NPHP4: variants seen among roughly 807,000 people sequenced by gnomAD.
NPHP4 encodes the protein nephrocystin 4, also known as nephrocystin-4.
Under a neutral mutation model 155.8 loss-of-function variants are expected in NPHP4, and 151 were observed. That is an observed-to-expected ratio of 0.97 (90% CI 0.85 to 1.11). The LOEUF is 1.11. NPHP4 is among the 50% of genes least tolerant of loss of function. NPHP4 has a pLI of 0.00. For missense variants in NPHP4, 1,956 were observed against 1,925.7 expected (o/e 1.02, Z -0.29); for synonymous variants, 845 against 816.8 (o/e 1.03, Z -0.59).
intron 5 of NPHP4, 124 bp from the exon 6 acceptor site, chr1:5,962,073 G>T: frequency 3.1e-6 from 2 of 636,250 alleles, no homozygotes; most frequent in Non-Finnish European, 2.7e-6. Context: ...TCTAGGGAGA[G>T]TGAAGTGGTG....
At chr1:5,969,026 C>CAAAA (rs34702999) in intron 4 of NPHP4, 61 bp downstream of exon 4, 6 of 942,742 alleles carry the variant, frequency 6.4e-6, no homozygotes, top group Non-Finnish European at 9.2e-6. Flanking sequence ...GAATCTGTCT[C>CAAAA]AAAAAAAAAA....
In NPHP4 at chr1:5,867,768, G is replaced by C; in HGVS notation, c.3444C>G (p.Ile1148Met). Residue 1148 changes from isoleucine (I) to methionine (M), a missense_variant, in exon 24 of 30, where the codon ATC (isoleucine) becomes ATG (methionine). By Grantham distance (10) the Ile-to-Met change is conservative. Transcript: ENST00000378156. The surrounding 1 kb of genome is among the most constrained non-coding windows in gnomAD (Gnocchi z 4.1). ...GAAATGTGTGCCAGGGCGGCAGGCGGATGGCCTTCTTCAGGAAGGAGAGCT... is the reference window on the plus strand; with the variant it reads ...GAAATGTGTGCCAGGGCGGCAGGCGCATGGCCTTCTTCAGGAAGGAGAGCT... ...HPELSFLKKA[I>M]RLPPWHTFPG... is the part of the protein sequence containing the mutation. 6.2e-7 allele frequency: 1 copy of C among 1,611,686 alleles called. No individual in the cohort carries two copies. Among genetic ancestry groups the C allele is most frequent in the Non-Finnish European group, 8.5e-7 (1 of 1,179,878 alleles).
Position 5,864,512 on chromosome 1 carries a change from G to T in NPHP4, c.3822C>A (p.Asp1274Glu). ...GCGGCAGCACGAAGACACCTTTGGG[G>T]TCTGTCTTCAAGAGCGAGAGAGGCG... is the stretch of plus-strand genomic sequence containing the variant. The part of the protein sequence containing the change: ...FTSHPQELKT[D>E]PKGVFVLPPR... The change falls in exon 28 of 30, where the codon GAC becomes GAA. Residue 1274 changes from aspartate to glutamate, a missense_variant. Coordinates refer to ENST00000378156, the MANE Select transcript of NPHP4 (RefSeq NM_015102.5). 6.4e-7 allele frequency: 1 copy of T among 1,571,060 alleles called. No individual in the cohort carries two copies. Among genetic ancestry groups the T allele is most frequent in the Non-Finnish European group, 8.7e-7 (1 of 1,155,416 alleles).
Position 5,978,372 on chromosome 1 carries a change from T to C in NPHP4, c.177A>G (p.Arg59=). Residue 59 remains arginine (R), a synonymous_variant, in exon 3 of 30, where the codon CGA becomes CGG. Transcript: ENST00000378156. ...EVLSEVECHL[R]VSFFDVTYRH... is the part of the protein sequence containing the mutation. ...GGTAGGTGACATCAAAGAAAGACAC[T>C]CGCAGATGGCATTCAACCTCTGACA... is the stretch of plus-strand genomic sequence containing the variant. The C allele has an allele frequency of 6.2e-7, 1 of 1,608,056 alleles. No homozygotes were observed. Among genetic ancestry groups the C allele is most frequent in the Non-Finnish European group, 8.5e-7 (1 of 1,177,400 alleles).
At chr1:5,888,551 T>A (rs766811354) in intron 17 of NPHP4, 45 of 1,350,534 alleles carry the variant, frequency 3.3e-5, no homozygotes, top group Non-Finnish European at 4.4e-5. Flanking sequence ...GATCACTGCA[T>A]AGACATCGAT....
intron 3 of NPHP4, among the ~76,000 whole-genome samples, chr1:5,971,312 T>C (rs754086625): frequency 3.3e-5 from 5 of 152,206 alleles, no homozygotes; most frequent in Admixed American, 3.3e-4. Flanking sequence ...GATCCAACCT[T>C]AGAATCTAAA....
intron 22 of NPHP4, 87 bp from the exon 23 acceptor site, chr1:5,873,422 G>T: frequency 1.9e-6 from 2 of 1,047,580 alleles, no homozygotes; most frequent in Non-Finnish European, 3.0e-6. Flanking sequence ...CTGCCACCCA[G>T]CTGGGAGCCA....
At position 5,905,811 on chromosome 1, in the gene NPHP4, G is replaced by A. The variant is rs1197908679; in HGVS notation, c.1612-28C>T. ...GAACAAAACGAGGGCTTCCAAGTGA[G>A]GCCACCAAGGACCCCAACCCGTAAC... On this transcript the variant is annotated intron_variant, in intron 13 of 29. Transcript: ENST00000378156. The surrounding 1 kb of genome is among the most constrained non-coding windows in gnomAD (Gnocchi z 4.0). The A allele has an allele frequency of 1.0e-5, 16 of 1,580,564 alleles. No homozygotes were observed. Among genetic ancestry groups the A allele is most frequent in the Middle Eastern group, 3.3e-4 (2 of 6,044 alleles).
At chr1:5,985,772 A>G (rs980299877) in intron 2 of NPHP4, among the ~76,000 whole-genome samples, 2 of 152,228 alleles carry the variant, frequency 1.3e-5, no homozygotes, top group Admixed American at 1.3e-4. Context: ...AAATCAATAC[A>G]GATGCTCTTT....
In NPHP4 at chr1:5,976,844, C is replaced by T. The variant is rs552196901; in HGVS notation, c.279+1426G>A. Among the ~76,000 whole-genome samples the T allele has an allele frequency of 3.3e-5, 5 of 152,254 alleles. No individual in the cohort carries two copies. In the South Asian group the frequency reaches 6.2e-4, roughly 19 times the overall value. ...GGTGATGGTGGGGTACGGAGAGCAACGAGCTCGTGGCCCTAGGTGGGGGTG... is the reference window on the plus strand; with the variant it reads ...GGTGATGGTGGGGTACGGAGAGCAATGAGCTCGTGGCCCTAGGTGGGGGTG... On this transcript the variant is annotated intron_variant, in intron 3 of 29. Transcript: ENST00000378156.
At chr1:5,949,974 C>A (rs1380026728) in intron 7 of NPHP4, among the ~76,000 whole-genome samples, 2 of 152,154 alleles carry the variant, frequency 1.3e-5, no homozygotes, top group African/African-American at 4.8e-5. Context: ...GAGAAGCCAG[C>A]AGCAGGTTTT....
At chr1:5,974,145 T>C (rs1269248949) in intron 3 of NPHP4, among the ~76,000 whole-genome samples, 1 of 152,226 alleles carries the variant, frequency 6.6e-6, no homozygotes, top group Non-Finnish European at 1.5e-5. Context: ...AGCACGCTCA[T>C]TGCTCTGACG....
At chr1:5,877,348 C>A in intron 19 of NPHP4, 50 bp from the exon 20 acceptor site, 2 of 1,484,942 alleles carry the variant, frequency 1.3e-6, no homozygotes, top group South Asian at 1.3e-5. Context: ...TGTCTGCCTT[C>A]CAGGAGCAGA....
chr1:5,949,373 T>C (rs1557812144), intron 7 of NPHP4, among the ~76,000 whole-genome samples: 1 of 21,206 alleles, frequency 4.7e-5, no homozygotes, highest in Non-Finnish European at 1.1e-4. Context: ...CACACACAAC[T>C]TGCTAACTTC....
rs1252035284 is a variant in NPHP4 at position 5,944,907 on chromosome 1, T to C, written c.1119+2197A>G. Among the ~76,000 whole-genome samples the C allele has an allele frequency of 1.3e-5, 2 of 151,556 alleles. No homozygotes were observed. Among genetic ancestry groups the C allele is most frequent in the Non-Finnish European group, 2.9e-5 (2 of 67,888 alleles). The stretch of plus-strand genomic sequence containing the variant: ...GTCACTTGAACCCAGGAGGCGGAGG[T>C]TGCAGTGAGCCGAGATCGCGCCACT... On this transcript the variant is annotated intron_variant, in intron 9 of 29. Coordinates refer to ENST00000378156, the MANE Select transcript of NPHP4 (RefSeq NM_015102.5). The surrounding 1 kb of genome is among the most constrained non-coding windows in gnomAD (Gnocchi z 4.3).
intron 9 of NPHP4, among the ~76,000 whole-genome samples, chr1:5,936,087 C>T (rs960811338): frequency 2.6e-5 from 4 of 152,156 alleles, no homozygotes; most frequent in Admixed American, 6.5e-5. Context: ...ATTCCAATAT[C>T]TAATTTTCCA....
chr1:5,945,268 G>A (rs1475885818), intron 9 of NPHP4, among the ~76,000 whole-genome samples: 1 of 151,936 alleles, frequency 6.6e-6, no homozygotes, highest in Non-Finnish European at 1.5e-5. Context: ...GACACCCTGA[G>A]GCCATTTCTC....
intron 23 of NPHP4, among the ~76,000 whole-genome samples, chr1:5,871,271 G>A (rs1283827778): frequency 6.6e-6 from 1 of 152,128 alleles, no homozygotes; most frequent in East Asian, 1.9e-4. Flanking sequence ...AAAGGCACAG[G>A]AGTTAACTTG....
In NPHP4 at chr1:5,867,634, A is replaced by G; in HGVS notation, c.3472+106T>C. ...CCCAGGCCCCACGTGCTGCTCTGAC[A>G]GCACCAGGGCATGAAGCCATGAGGC... On this transcript the variant is annotated intron_variant, in intron 24 of 29. Transcript: ENST00000378156. This position sits in a 1 kb window ranked among gnomAD's most constrained non-coding sequence, Gnocchi z 4.1. 1.7e-6 allele frequency: 2 copies of G among 1,207,178 alleles called. No homozygotes were observed. The highest frequency in any genetic ancestry group is 1.2e-6 in the Non-Finnish European group (1 of 852,708). The allele number at this position is 1,207,178 out of a possible 1,614,324, so 74.8% of individuals were successfully genotyped here. A position where few individuals can be genotyped will look rare whatever the true frequency, so the allele number is the denominator to read the frequency against.
Sources: allele counts gnomAD v4.1 joint callset (sites outside exome capture counted in the v4.1 genomes callset), GRCh38; gene constraint gnomAD v4.1.1; non-coding constraint Gnocchi (gnomAD v3.1); transcripts MANE v1.5; gene names NCBI Gene and HGNC (gene_info 2026-07-23, HGNC 2026-07-21).